Variants in RGS9 observed in about 807,000 individuals in gnomAD.
The protein encoded by RGS9 is regulator of G-protein signalling 9.
Under a neutral mutation model 102.0 loss-of-function variants are expected in RGS9, and 78 were observed. That is an observed-to-expected ratio of 0.76 (90% CI 0.64 to 0.92). RGS9 has a LOEUF of 0.92. Among genes scored for constraint, RGS9 ranks in the 40% least tolerant of loss-of-function variants. RGS9 has a pLI of 0.00. For synonymous variants in RGS9, 353 were observed against 318.6 expected (o/e 1.11, Z -1.15); for missense variants, 833 against 866.1 (o/e 0.96, Z 0.48).
chr17:65,160,495 A>C, intron 4 of RGS9, 41 bp from the exon 5 acceptor site: 1 of 1,613,406 alleles, frequency 6.2e-7, no homozygotes, highest in Non-Finnish European at 8.5e-7. Flanking sequence ...ATTGAGTCAC[A>C]ATCCAGTTTT....
At chr17:65,220,548 G>A (rs941184028) in intron 17 of RGS9, among the ~76,000 whole-genome samples, 2 of 152,182 alleles carry the variant, frequency 1.3e-5, no homozygotes, top group African/African-American at 4.8e-5. Flanking sequence ...TTCCCCATGG[G>A]GCTAACTTTG....
intron 8 of RGS9, among the ~76,000 whole-genome samples, chr17:65,176,874 C>G (rs1911649425): frequency 6.6e-6 from 1 of 150,702 alleles, no homozygotes; most frequent in South Asian, 2.1e-4. Context: ...GCTGAGTTTG[C>G]CATTCATCTG....
rs779906163 is a variant in RGS9, at chr17:65,225,356, C to T, written c.1762C>T (p.Arg588Ter). 9 of 1,611,650 alleles carry T rather than the reference C, an allele frequency of 5.6e-6. No individual in the cohort carries two copies. Among genetic ancestry groups the T allele is most frequent in the East Asian group, 4.5e-5 (2 of 44,898 alleles). ...TCTGTCCTTCAGCAGGTTTCTGAGACGAGGCTGTCTGGCCTCACCTGTCTT... is the reference window on the plus strand; with the variant it reads ...TCTGTCCTTCAGCAGGTTTCTGAGATGAGGCTGTCTGGCCTCACCTGTCTT... ...MALSFSRFLRRGCLASPVFAR... is the reference protein window; with the variant it reads ...MALSFSRFLR Residue 588 changes from arginine to a stop codon, truncating the protein, a stop_gained, in exon 18 of 19, where the codon CGA (arginine) becomes TGA (stop). Coordinates refer to ENST00000262406, the MANE Select transcript of RGS9 (RefSeq NM_003835.4). LOFTEE classifies it high-confidence loss of function.
intron 8 of RGS9, among the ~76,000 whole-genome samples, chr17:65,174,837 C>T (rs923077972): frequency 2.0e-5 from 3 of 152,024 alleles, no homozygotes; most frequent in Admixed American, 6.6e-5. Context: ...ACAATCATGG[C>T]GGAACGGGAA....
chr17:65,174,540 T>C (rs1419111250), intron 8 of RGS9, among the ~76,000 whole-genome samples: 1 of 151,970 alleles, frequency 6.6e-6, no homozygotes, highest in African/African-American at 2.4e-5. Context: ...AGTGTGTAGA[T>C]GTGTACATGT....
At position 65,168,280 on chromosome 17, in the gene RGS9, C is replaced by A; in HGVS notation, c.581C>A (p.Pro194His). Residue 194 changes from proline (P) to histidine (H), a missense_variant and splice_region_variant, in exon 8 of 19, where the codon CCT becomes CAT. Physicochemically the swap from Pro to His is moderately conservative, Grantham distance 77. Transcript: ENST00000262406. ...GCATACTGGCTGGTGCACCGATGCC[C>A]TGTGAGTATCCTCCTGCCTGGTGTC... ...EKAYWLVHRC[P>H]PGMDNVLDYG... is the part of the protein sequence containing the mutation. 6.2e-7 allele frequency: 1 copy of A among 1,602,032 alleles called. No homozygotes were observed. Among genetic ancestry groups the A allele is most frequent in the Middle Eastern group, 1.7e-4 (1 of 5,932 alleles).
In RGS9 at chr17:65,227,268, C is replaced by T; in HGVS notation, c.1893-7C>T. 1 of 1,614,080 alleles carries T rather than the reference C, an allele frequency of 6.2e-7. No individual in the cohort carries two copies. The highest frequency in any genetic ancestry group is 8.5e-7 in the Non-Finnish European group (1 of 1,180,014). On this transcript the variant is annotated splice_polypyrimidine_tract_variant and splice_region_variant and intron_variant, in intron 18 of 18. Transcript: ENST00000262406. ...CTACATTACTGGCTTTCCTCTTGCA[C>T]CTGAAGCTTTTTCCAGATCAAAATG...
Position 65,204,165 on chromosome 17 carries a change from T to C in RGS9, c.1067T>C (p.Leu356Pro). The C allele has an allele frequency of 6.2e-7, 1 of 1,612,538 alleles. No individual in the cohort carries two copies. The highest frequency in any genetic ancestry group is 1.3e-5 in the African/African-American group (1 of 74,990). The change falls in exon 15 of 19, where the codon CTG (leucine) becomes CCG (proline). Residue 356 changes from leucine to proline, a missense_variant and splice_region_variant. Physicochemically the swap from Leu to Pro is moderately conservative, Grantham distance 98. Around this residue, in one of 3 missense-constraint regions of RGS9, gnomAD observed 185 missense variants for 248.7 expected, o/e 0.74. Coordinates refer to ENST00000262406, the MANE Select transcript of RGS9 (RefSeq NM_003835.4). The stretch of plus-strand genomic sequence containing the variant: ...CTAACATCTCCCTCCCACCCCAGGC[T>C]GTTCCTGGCCCCGGGGGCGAGGCGC... ...VKEKAEEIYKLFLAPGARRWI... is the reference protein window; with the variant it reads ...VKEKAEEIYKPFLAPGARRWI...
At chr17:65,171,117 C>A (rs1911404562) in intron 8 of RGS9, among the ~76,000 whole-genome samples, 1 of 152,176 alleles carries the variant, frequency 6.6e-6, no homozygotes, top group South Asian at 2.1e-4. Flanking sequence ...AGACTGTAAC[C>A]AACAGTTGTA....
At chr17:65,147,761 T>C (rs1910425862) in intron 1 of RGS9, among the ~76,000 whole-genome samples, 2 of 151,858 alleles carry the variant, frequency 1.3e-5, no homozygotes, top group African/African-American at 4.8e-5. Flanking sequence ...CAGCTAATTT[T>C]TGTATTTTTT....
chr17:65,189,742 C>T (rs779058905), intron 10 of RGS9, among the ~76,000 whole-genome samples: 24 of 152,090 alleles, frequency 1.6e-4, no homozygotes, highest in Non-Finnish European at 2.8e-4. Flanking sequence ...CTGGGGTGTA[C>T]GGTTAGCTAT....
chr17:65,152,511 AG>A (rs1567861332), intron 1 of RGS9, among the ~76,000 whole-genome samples: 1 of 152,200 alleles, frequency 6.6e-6, no homozygotes, highest in African/African-American at 2.4e-5. Context: ...GGGAGTGTTA[AG>A]GGTTGAAACG....
chr17:65,168,136 G>A (rs770583606), intron 7 of RGS9, 64 bp from the exon 8 acceptor site: 4 of 1,064,286 alleles, frequency 3.8e-6, no homozygotes, highest in South Asian at 1.3e-5. Context: ...TCAGGAATGA[G>A]GGGCATCACT....
chr17:65,210,863 G>A (rs1297680708), intron 17 of RGS9, among the ~76,000 whole-genome samples: 1 of 152,160 alleles, frequency 6.6e-6, no homozygotes, highest in Non-Finnish European at 1.5e-5. Flanking sequence ...AGGGGACAGG[G>A]TGGGCGAAGG....
rs902549566 is a variant in RGS9, at chr17:65,197,197, A to G, written c.932A>G (p.Lys311Arg). ...FNFSELIRDP[K>R]GRQSFQYFLK... is the part of the protein sequence containing the mutation. Reference sequence around the variant, plus strand: ...TTCAGCGAATTGATCCGAGACCCCAAAGGTCGACAGAGCTTCCAGTACTTC... The same window carrying G: ...TTCAGCGAATTGATCCGAGACCCCAGAGGTCGACAGAGCTTCCAGTACTTC... The change falls in exon 13 of 19, where the codon AAA becomes AGA. Residue 311 changes from lysine (K) to arginine (R), a missense_variant. Coordinates refer to ENST00000262406, the MANE Select transcript of RGS9 (RefSeq NM_003835.4). 1 of 1,613,990 alleles carries G rather than the reference A, an allele frequency of 6.2e-7. No individual in the cohort carries two copies. Among genetic ancestry groups the G allele is most frequent in the Non-Finnish European group, 8.5e-7 (1 of 1,179,898 alleles).
At chr17:65,217,840 C>T (rs980866397) in intron 17 of RGS9, among the ~76,000 whole-genome samples, 2 of 152,052 alleles carry the variant, frequency 1.3e-5, no homozygotes, top group Admixed American at 6.5e-5. Flanking sequence ...GATGTTGCAA[C>T]TCAGAGAGAT....
chr17:65,170,275 G>A lies in RGS9; in HGVS notation c.582+1994G>A, dbSNP rs548836329. Among the ~76,000 whole-genome samples the A allele has an allele frequency of 8.5e-5, 13 of 152,126 alleles. No homozygotes were observed. In the East Asian group the frequency reaches 2.5e-3, roughly 30 times the overall value. Reference sequence around the variant, plus strand: ...TCACCATGTTGGTCAGCCTAGTCTTGAACTCCTGACCTCGTGATCTGCCTG... The same window carrying A: ...TCACCATGTTGGTCAGCCTAGTCTTAAACTCCTGACCTCGTGATCTGCCTG... On this transcript the variant is annotated intron_variant, in intron 8 of 18. Coordinates refer to ENST00000262406, the MANE Select transcript of RGS9 (RefSeq NM_003835.4).
intron 1 of RGS9, among the ~76,000 whole-genome samples, chr17:65,138,944 C>T (rs1444364491): frequency 2.0e-4 from 30 of 148,546 alleles, no homozygotes; most frequent in African/African-American, 6.7e-4. Flanking sequence ...CCCAGGCTTC[C>T]CTCCTCCTCC....
rs555251349 is a variant in RGS9 at position 65,173,988 on chromosome 17, C to T, written c.583-3744C>T. On this transcript the variant is annotated intron_variant, in intron 8 of 18. Coordinates refer to ENST00000262406, the MANE Select transcript of RGS9 (RefSeq NM_003835.4). This position sits in a 1 kb window ranked among gnomAD's most constrained non-coding sequence, Gnocchi z 4.8. ...TTAAGGGCTGCTGCCCACAGAGGTG[C>T]AAGAGCCGAGGCAGCAGTGGCCAGA... Among the ~76,000 whole-genome samples, 94 of 152,328 alleles carry T rather than the reference C, an allele frequency of 6.2e-4. No individual in the cohort carries two copies. The highest frequency in any genetic ancestry group is 2.7e-3 in the Admixed American group (41 of 15,300).
Sources: gnomAD v4.1 joint callset for allele counts (sites outside exome capture counted in the v4.1 genomes callset) on GRCh38, gnomAD v4.1.1 for gene constraint, gnomAD v4.1.1 regional missense constraint, Gnocchi (gnomAD v3.1) non-coding constraint, MANE v1.5 for transcripts, NCBI Gene and HGNC (gene_info 2026-07-23, HGNC 2026-07-21) for gene names.